Variants in KIF7 observed in about 807,000 individuals in gnomAD.
KIF7 encodes the protein kinesin family member 7.
A neutral mutation model predicts 135.7 loss-of-function variants in KIF7; 104 were observed. That is an observed-to-expected ratio of 0.77 (90% CI 0.65 to 0.90). KIF7 has a LOEUF of 0.90. Ranked by LOEUF, KIF7 falls within the 40% of genes least tolerant of loss-of-function variation. The pLI is 0.00. For missense variants in KIF7, 2,005 were observed against 1,839.1 expected, an observed-to-expected ratio of 1.09 and a Z score of -1.65; for synonymous variants, 883 against 809.4, an observed-to-expected ratio of 1.09 and a Z score of -1.54.
At chr15:89,659,463 GAAAA>G (rs563083171), upstream of KIF7, among the ~76,000 whole-genome samples, 1 of 134,974 alleles carries the variant, frequency 7.4e-6, no homozygotes. Context: ...GAGAAAGAAA[GAAAA>G]AAGAAAGAAA....
At chr15:89,647,186 T>A in intron 6 of KIF7, 129 bp from the exon 7 acceptor site, 1 of 777,432 alleles carries the variant, frequency 1.3e-6, no homozygotes, top group Non-Finnish European at 2.2e-6. Flanking sequence ...CAAATACTCC[T>A]CTCCTCCCCA....
intron 17 of KIF7, 53 bp from the exon 18 acceptor site, chr15:89,629,175 G>C (rs566270031): frequency 6.4e-7 from 1 of 1,554,706 alleles, no homozygotes. Flanking sequence ...CGGGGCAGGC[G>C]GCCAGGGCTG....
In KIF7 at chr15:89,628,501, T is replaced by G. The variant is rs774442900; in HGVS notation, c.3950A>C (p.Asn1317Thr). Residue 1317 changes from asparagine to threonine, a missense_variant, in exon 19 of 19, where the codon AAC (asparagine) becomes ACC (threonine). Asn to Thr is a moderately conservative substitution (Grantham distance 65). Coordinates refer to ENST00000394412, the MANE Select transcript of KIF7 (RefSeq NM_198525.3). ...CCGGGGCTTGGACAAAGGCCCAAAG[T>G]TCCAGGGCAGGCCTGCCTCACCCAC... ...LPVGEAGLPW[N>T]FGPLSKPRRE... 6.2e-7 allele frequency: 1 copy of G among 1,612,756 alleles called. No individual in the cohort carries two copies.
intron 12 of KIF7, 45 bp from the exon 13 acceptor site, chr15:89,633,311 T>C (rs1302169617): frequency 6.5e-7 from 1 of 1,538,614 alleles, no homozygotes; most frequent in Admixed American, 2.0e-5. Flanking sequence ...GGTGCCAGCA[T>C]CTTACCAGAG....
chr15:89,630,653 T>C (rs777331615), intron 15 of KIF7, 160 bp from the exon 16 acceptor site: 9 of 691,834 alleles, frequency 1.3e-5, no homozygotes, highest in Non-Finnish European at 2.3e-5. Context: ...CCCTGCTCAC[T>C]GTCACAGCCC....
Position 89,628,545 on chromosome 15 carries a change from C to G in KIF7, c.3906G>C (p.Leu1302=). Residue 1302 remains leucine, a synonymous_variant, in exon 19 of 19, where the codon CTG becomes CTC. Coordinates refer to ENST00000394412, the MANE Select transcript of KIF7 (RefSeq NM_198525.3). Reference sequence around the variant, plus strand: ...CACCCACAGGAAGCACCCGCCCCACCAGGGGCTCAGCCGCCTCCCGCTGCC... The same window carrying G: ...CACCCACAGGAAGCACCCGCCCCACGAGGGGCTCAGCCGCCTCCCGCTGCC... ...ELRQREAAEP[L]VGRVLPVGEA... 1 of 1,613,316 alleles carries G rather than the reference C, an allele frequency of 6.2e-7. No homozygotes were observed. The highest frequency in any genetic ancestry group is 8.5e-7 in the Non-Finnish European group (1 of 1,179,968).
At chr15:89,662,062 C>T in the KIF7 span, among the ~76,000 whole-genome samples, 1 of 152,110 alleles carries the variant, frequency 6.6e-6, no homozygotes, top group Non-Finnish European at 1.5e-5. Flanking sequence ...TTGATGTATG[C>T]ATTTTATAAA....
intron 12 of KIF7, 119 bp from the exon 13 acceptor site, chr15:89,633,385 T>C: frequency 1.5e-6 from 2 of 1,329,582 alleles, no homozygotes; most frequent in Non-Finnish European, 2.1e-6. Context: ...CTGCGAAGTG[T>C]CCCCCAGACC....
chr15:89,624,611 C>T, downstream of KIF7: 2 of 1,613,624 alleles, frequency 1.2e-6, no homozygotes, highest in Non-Finnish European at 1.7e-6. Flanking sequence ...CCTCAGTCTC[C>T]TCCTGAAAGA....
downstream of KIF7, chr15:89,627,195 A>G (rs1963547278): frequency 7.2e-7 from 1 of 1,391,236 alleles, no homozygotes; most frequent in Non-Finnish European, 9.9e-7. Flanking sequence ...CAGTGTTCAG[A>G]TTGCCATTAG....
rs1567067498 is a variant in KIF7, at chr15:89,648,712, GA to G, written c.985del (p.Ser329ProfsTer126). 2.0e-6 allele frequency: 3 copies of G among 1,536,340 alleles called. No homozygotes were observed. The highest frequency in any genetic ancestry group is 2.6e-6 in the Non-Finnish European group (3 of 1,146,538). ...GAGGGTCTCGTCGAAGTCGGAGGAG[GA>G]AGGGCTGACGCAGGCGATCATCACC... ...KTVMIACVSP[S>X]SSDFDETLNT... On this transcript the variant is annotated frameshift_variant, in exon 5 of 19. Coordinates refer to ENST00000394412, the MANE Select transcript of KIF7 (RefSeq NM_198525.3). LOFTEE classifies it high-confidence loss of function.
At chr15:89,626,149 C>A, downstream of KIF7, 1 of 1,511,612 alleles carries the variant, frequency 6.6e-7, no homozygotes, top group South Asian at 1.3e-5. Flanking sequence ...TCTAGAGGAG[C>A]CCCAGGGAGT....
At chr15:89,625,587 C>T (rs533877882), downstream of KIF7, 33 of 1,612,886 alleles carry the variant, frequency 2.0e-5, no homozygotes, top group Middle Eastern at 1.6e-4. Flanking sequence ...TGCCTAAGGC[C>T]GAGGAAGCCT....
chr15:89,651,446 C>G (rs1964122801), intron 2 of KIF7, among the ~76,000 whole-genome samples: 2 of 151,864 alleles, frequency 1.3e-5, no homozygotes, highest in African/African-American at 4.8e-5. Flanking sequence ...GTTGGCTAGG[C>G]TGGTCTCGAA....
Position 89,631,660 on chromosome 15 carries a change from C to T in KIF7, c.2946G>A (p.Glu982=). ...VRVSSRLEHL[E]KELSEKSGQL... is the part of the protein sequence containing the mutation. ...GCCCGCTCTTCTCGGACAGCTCCTT[C>T]TCCAGGTGCTCCAGCCGGCTGGACA... Residue 982 remains glutamate (E), a synonymous_variant, in exon 15 of 19, where the codon GAG becomes GAA. Coordinates refer to ENST00000394412, the MANE Select transcript of KIF7 (RefSeq NM_198525.3). 3 of 1,559,840 alleles carry T rather than the reference C, an allele frequency of 1.9e-6. No homozygotes were observed. Among genetic ancestry groups the T allele is most frequent in the Non-Finnish European group, 2.6e-6 (3 of 1,150,792 alleles).
chr15:89,654,198 A>T (rs953497042), intron 1 of KIF7, among the ~76,000 whole-genome samples: 1 of 151,878 alleles, frequency 6.6e-6, no homozygotes, highest in African/African-American at 2.4e-5. Context: ...TTTCATAGAG[A>T]CAGGGTTTCA....
chr15:89,656,211 C>T (rs1036207462), upstream of KIF7, among the ~76,000 whole-genome samples: 2 of 152,104 alleles, frequency 1.3e-5, no homozygotes, highest in Non-Finnish European at 2.9e-5. Context: ...AGGAAACCCT[C>T]AGCCTCCAGT....
intron 11 of KIF7, among the ~76,000 whole-genome samples, chr15:89,640,490 C>T (rs554679946): frequency 9.9e-5 from 15 of 152,038 alleles, no homozygotes; most frequent in South Asian, 4.1e-4. Context: ...ACTTGACCAA[C>T]GACACATAGC....
chr15:89,645,236 G>A, intron 9 of KIF7, 71 bp from the exon 10 acceptor site: 1 of 1,602,316 alleles, frequency 6.2e-7, no homozygotes, highest in Admixed American at 1.7e-5. Context: ...GGAGAGCAGG[G>A]GCTGCCAGGG....
Sources: allele counts gnomAD v4.1 joint callset (sites outside exome capture counted in the v4.1 genomes callset), GRCh38; gene constraint gnomAD v4.1.1; transcripts MANE v1.5; gene names NCBI Gene and HGNC (gene_info 2026-07-23, HGNC 2026-07-21).